The following PIGN variants were observed in gnomAD, a reference collection of about 807,000 sequenced individuals.
PIGN encodes the protein phosphatidylinositol glycan anchor biosynthesis class N, also known as GPI ethanolamine phosphate transferase 1.
A neutral mutation model predicts 125.4 loss-of-function variants in PIGN; 117 were observed. That is an observed-to-expected ratio of 0.93 (90% CI 0.80 to 1.09). The LOEUF (loss-of-function observed/expected upper bound fraction) is 1.09. Ranked by LOEUF, PIGN falls within the 50% of genes least tolerant of loss-of-function variation. The probability of loss-of-function intolerance (pLI) is 0.00; values close to 1 mark genes in which losing one functional copy is unlikely to be tolerated. For synonymous variants in PIGN, 392 were observed against 377.8 expected (o/e 1.04, Z -0.44); for missense variants, 1,075 against 1,094.9 (o/e 0.98, Z 0.26).
At chr18:62,075,582 A>G (rs1309163583) in intron 28 of PIGN, 1 of 152,222 alleles carries the variant, frequency 6.6e-6, no homozygotes, top group Non-Finnish European at 1.5e-5. Context: ...TTACTTAACC[A>G]TTCAAGCACC....
chr18:62,159,550 G>A (rs1244573332), intron 4 of PIGN, among the ~76,000 whole-genome samples: 1 of 152,078 alleles, frequency 6.6e-6, no homozygotes, highest in Non-Finnish European at 1.5e-5. Flanking sequence ...TTTGTGTACT[G>A]TACTTAACCT....
In PIGN at chr18:62,051,320, C is replaced by T. The variant is rs1302475386; in HGVS notation, c.2673-5341G>A. 2.0e-5 allele frequency among the ~76,000 whole-genome samples: 3 copies of T among 152,304 alleles called. No homozygotes were observed. In the East Asian group the frequency reaches 5.8e-4, roughly 29 times the overall value. On this transcript the variant is annotated intron_variant, in intron 30 of 30. Coordinates refer to ENST00000640252, the MANE Select transcript of PIGN (RefSeq NM_176787.5). ...CCTCTGGTAGAATTTGGCTGTGAAT[C>T]CATCTGGTCCTGGACTCTTTTTGGT...
At chr18:62,025,731 C>T (rs570786967) in intron 23 of PIGN, among the ~76,000 whole-genome samples, 2 of 152,266 alleles carry the variant, frequency 1.3e-5, no homozygotes, top group South Asian at 4.2e-4. Context: ...GGGTTTCCTA[C>T]CTAAGCCAAA....
intron 14 of PIGN, among the ~76,000 whole-genome samples, chr18:62,127,525 C>T (rs914386927): frequency 2.6e-5 from 4 of 152,110 alleles, no homozygotes; most frequent in African/African-American, 9.7e-5. Context: ...CCATATCAGG[C>T]TGTTTTAAGA....
At chr18:62,123,778 CT>C (rs1298542429) in intron 14 of PIGN, among the ~76,000 whole-genome samples, 2 of 151,968 alleles carry the variant, frequency 1.3e-5, no homozygotes, top group Non-Finnish European at 1.5e-5. Context: ...TGTTTGGTTC[CT>C]ATGTTAGGAA....
chr18:62,168,521 A>G (rs2037234888), intron 1 of PIGN, among the ~76,000 whole-genome samples: 1 of 152,074 alleles, frequency 6.6e-6, no homozygotes, highest in South Asian at 2.1e-4. Context: ...CCATTTGAGG[A>G]TAAGTTATAT....
At chr18:62,115,461 A>G (rs2035052614) in intron 14 of PIGN, among the ~76,000 whole-genome samples, 1 of 152,192 alleles carries the variant, frequency 6.6e-6, no homozygotes, top group Non-Finnish European at 1.5e-5. Flanking sequence ...AAATGCATGC[A>G]AAGTTATTTA....
chr18:62,088,937 G>C, intron 24 of PIGN, 95 bp from the exon 25 acceptor site: 6 of 705,426 alleles, frequency 8.5e-6, no homozygotes, highest in Non-Finnish European at 1.5e-5. Flanking sequence ...ACAATGGCTA[G>C]AAACATGCCC....
At chr18:62,173,630 T>C (rs1599688794) in intron 1 of PIGN, among the ~76,000 whole-genome samples, 1 of 152,354 alleles carries the variant, frequency 6.6e-6, no homozygotes, top group East Asian at 1.9e-4. Context: ...ATTTCTTACC[T>C]GTAAAATGCA....
At chr18:62,038,181 GC>G (rs1568105678), downstream of PIGN, among the ~76,000 whole-genome samples, 1 of 152,092 alleles carries the variant, frequency 6.6e-6, no homozygotes, top group African/African-American at 2.4e-5. Flanking sequence ...GAACCATTCT[GC>G]CCCCTAAATT....
intron 23 of PIGN, among the ~76,000 whole-genome samples, chr18:62,033,717 C>T (rs1239957583): frequency 5.3e-5 from 8 of 152,130 alleles, no homozygotes; most frequent in Non-Finnish European, 1.0e-4. Flanking sequence ...ACTTGTTGCA[C>T]GTATTGCTCG....
At chr18:62,162,378 A>T (rs1262076569) in intron 2 of PIGN, 49 bp from the exon 3 acceptor site, 1 of 152,150 alleles carries the variant, frequency 6.6e-6, no homozygotes, top group African/African-American at 2.4e-5. Flanking sequence ...TCTTAGTTGT[A>T]ATGTAACGGC....
chr18:62,135,619 C>CT lies in PIGN; in HGVS notation c.1172+2623dup, dbSNP rs72454339. ...TTCTTTTCTTTTGTTTTTTCTTTGT[C>CT]TTTTTTTTTTTTTTTTTTTTTTCAG... On this transcript the variant is annotated intron_variant, in intron 14 of 30. Coordinates refer to ENST00000640252, the MANE Select transcript of PIGN (RefSeq NM_176787.5). The CT allele has an allele frequency of 4.6e-3, 313 of 68,648 alleles. 14 individuals are homozygous for CT. The highest frequency in any genetic ancestry group is 0.014 in the African/African-American group (218 of 15,478). 4.3% of individuals were successfully genotyped at this position (68,648 alleles called of 1,614,324 possible). A position where few individuals can be genotyped will look rare whatever the true frequency, so the allele number is the denominator to read the frequency against.
chr18:62,078,276 A>C (rs1238400985), intron 28 of PIGN, among the ~76,000 whole-genome samples: 1 of 152,220 alleles, frequency 6.6e-6, no homozygotes, highest in Non-Finnish European at 1.5e-5. Context: ...TTAACAGAGA[A>C]TACGATCCCT....
At chr18:62,020,349 T>A (rs2030038375) in intron 23 of PIGN, among the ~76,000 whole-genome samples, 1 of 152,244 alleles carries the variant, frequency 6.6e-6, no homozygotes, top group South Asian at 2.1e-4. Flanking sequence ...ATGTAGACAT[T>A]CAACTCTGTA....
At chr18:62,151,193 T>A (rs2036524230) in intron 7 of PIGN, among the ~76,000 whole-genome samples, 1 of 152,186 alleles carries the variant, frequency 6.6e-6, no homozygotes, top group African/African-American at 2.4e-5. Context: ...AATATACCTG[T>A]TACAGGTAGT....
chr18:62,117,545 C>CT (rs148551941), intron 14 of PIGN, among the ~76,000 whole-genome samples: 10,174 of 144,370 alleles, frequency 0.07, 639 homozygotes, highest in African/African-American at 0.16. Flanking sequence ...TATTCCTCAG[C>CT]CCCCCCCTCT....
At chr18:62,089,385 C>G (rs1320912274) in intron 24 of PIGN, among the ~76,000 whole-genome samples, 1 of 152,108 alleles carries the variant, frequency 6.6e-6, no homozygotes, top group Non-Finnish European at 1.5e-5. Context: ...AATCACCCTC[C>G]ACAAATAGAA....
At chr18:62,147,308 T>C (rs2036370157) in intron 8 of PIGN, among the ~76,000 whole-genome samples, 1 of 152,190 alleles carries the variant, frequency 6.6e-6, no homozygotes, top group Non-Finnish European at 1.5e-5. Context: ...TTTTCAAAGA[T>C]GGCTTAAAAG....
Sources: gnomAD v4.1 joint callset for allele counts (sites outside exome capture counted in the v4.1 genomes callset) on GRCh38, gnomAD v4.1.1 for gene constraint, MANE v1.5 for transcripts, NCBI Gene and HGNC (gene_info 2026-07-23, HGNC 2026-07-21) for gene names.